The following MAGI2 variants were observed in gnomAD, a reference collection of about 807,000 sequenced individuals.
MAGI2 encodes membrane associated guanylate kinase, WW and PDZ domain containing 2.
A neutral mutation model predicts 133.3 loss-of-function variants in MAGI2; 35 were observed. The observed-to-expected ratio is 0.26, with a 90% confidence interval of 0.20 to 0.35. The LOEUF is 0.35. Ranked by LOEUF, MAGI2 falls within the 10% of genes least tolerant of loss-of-function variation. The pLI is 1.00. For missense variants in MAGI2, 1,636 were observed against 1,863.4 expected, an observed-to-expected ratio of 0.88 and a Z score of 2.25; for synonymous variants, 729 against 710.6, an observed-to-expected ratio of 1.03 and a Z score of -0.41.
intron 10 of MAGI2, among the ~76,000 whole-genome samples, chr7:78,250,507 G>A (rs903001895): frequency 6.6e-6 from 1 of 151,962 alleles, no homozygotes; most frequent in African/African-American, 2.4e-5. Flanking sequence ...AATCAAACAC[G>A]AAGTAAGCTG....
rs1157726144 is a variant in MAGI2 at position 78,625,481 on chromosome 7, G to C, written c.538+1639C>G. Among the ~76,000 whole-genome samples, 6 of 152,070 alleles carry C rather than the reference G, an allele frequency of 3.9e-5. No homozygotes were observed. In the East Asian group the frequency reaches 1.2e-3, roughly 29 times the overall value. Reference sequence around the variant, plus strand: ...CAAAAAGTTAAAAAAAAATGGAAAAGTTTATAAAGTAAAAAGTTACATTAA... The same window carrying C: ...CAAAAAGTTAAAAAAAAATGGAAAACTTTATAAAGTAAAAAGTTACATTAA... On this transcript the variant is annotated intron_variant, in intron 3 of 21. Coordinates refer to ENST00000354212, the MANE Select transcript of MAGI2 (RefSeq NM_012301.4).
At chr7:78,369,249 T>A in intron 6 of MAGI2, 36 bp from the exon 7 acceptor site, 1 of 1,370,232 alleles carries the variant, frequency 7.3e-7, no homozygotes, top group South Asian at 1.2e-5. Flanking sequence ...AAATAAAGAA[T>A]ATCACAATTT....
intron 1 of MAGI2, among the ~76,000 whole-genome samples, chr7:79,016,511 C>T (rs1292139017): frequency 6.6e-6 from 1 of 152,126 alleles, no homozygotes; most frequent in Non-Finnish European, 1.5e-5. Flanking sequence ...ATGCACCTGT[C>T]CACCTATGCC....
chr7:78,297,999 TTGTC>T (rs910193535), intron 9 of MAGI2, among the ~76,000 whole-genome samples: 125 of 126,410 alleles, frequency 9.9e-4, no homozygotes, highest in African/African-American at 3.7e-3. Flanking sequence ...AAAAAAAGAA[TTGTC>T]TGGGAAAAAA....
intron 21 of MAGI2, among the ~76,000 whole-genome samples, chr7:78,044,697 G>GTGTGTGTA (rs766495259): frequency 0.032 from 3,555 of 112,406 alleles, 58 homozygotes; most frequent in Non-Finnish European, 0.04. Flanking sequence ...GTGTGTGTGT[G>GTGTGTGTA]TGTGTGTGCA....
intron 6 of MAGI2, among the ~76,000 whole-genome samples, chr7:78,465,168 C>G (rs1035355307): frequency 2.6e-5 from 4 of 152,134 alleles, no homozygotes; most frequent in African/African-American, 9.7e-5. Flanking sequence ...TTCAGTGAAT[C>G]TGGGCTTCAC....
intron 2 of MAGI2, among the ~76,000 whole-genome samples, chr7:78,849,794 G>T (rs1390607395): frequency 6.6e-6 from 1 of 151,970 alleles, no homozygotes; most frequent in Non-Finnish European, 1.5e-5. Flanking sequence ...TTGGGGAGTG[G>T]TATATAGACA....
intron 12 of MAGI2, 73 bp downstream of exon 12, chr7:78,194,801 C>A: frequency 8.0e-7 from 1 of 1,243,898 alleles, no homozygotes; most frequent in Non-Finnish European, 1.1e-6. Context: ...CCAGATCATT[C>A]AGCCTCAATA....
At chr7:79,078,299 T>G (rs571625761) in intron 1 of MAGI2, among the ~76,000 whole-genome samples, 698 of 11,282 alleles carry the variant, frequency 0.062, 8 homozygotes, top group African/African-American at 0.099. Flanking sequence ...CATAGGTGGT[T>G]TTTTTTTTAG....
At chr7:78,767,527 G>C (rs188446708) in intron 2 of MAGI2, among the ~76,000 whole-genome samples, 66 of 152,194 alleles carry the variant, frequency 4.3e-4, no homozygotes, top group East Asian at 5.8e-4. Flanking sequence ...TATCATATCT[G>C]CTTATTTAAT....
intron 1 of MAGI2, among the ~76,000 whole-genome samples, chr7:79,313,132 C>A (rs1391101417): frequency 1.4e-5 from 2 of 145,854 alleles, no homozygotes; most frequent in Admixed American, 1.3e-4. Context: ...ATATGGCTCA[C>A]AGAATATATT....
chr7:78,125,964 G>A, intron 19 of MAGI2, 127 bp from the exon 20 acceptor site: 2 of 983,958 alleles, frequency 2.0e-6, no homozygotes, highest in South Asian at 1.7e-5. Flanking sequence ...GTTGGGAGAA[G>A]TCGTAATCTG....
chr7:79,243,299 C>T (rs185786521), intron 1 of MAGI2, among the ~76,000 whole-genome samples: 1 of 152,200 alleles, frequency 6.6e-6, no homozygotes, highest in African/African-American at 2.4e-5. Flanking sequence ...ACTTTGGTTC[C>T]TAAAAGGTCA....
At chr7:78,409,780 C>G (rs1797704297) in intron 6 of MAGI2, among the ~76,000 whole-genome samples, 1 of 152,036 alleles carries the variant, frequency 6.6e-6, no homozygotes, top group Admixed American at 6.6e-5. Flanking sequence ...GAAGCTTTTG[C>G]ATATGTTCCC....
At chr7:78,597,048 A>G (rs1042381328) in intron 3 of MAGI2, among the ~76,000 whole-genome samples, 85 of 152,336 alleles carry the variant, frequency 5.6e-4, no homozygotes, top group African/African-American at 1.7e-3. Flanking sequence ...GAGCTGCCAC[A>G]TTAGAGAAAT....
chr7:79,086,266 T>G (rs575154391), intron 1 of MAGI2, among the ~76,000 whole-genome samples: 1 of 152,000 alleles, frequency 6.6e-6, no homozygotes, highest in African/African-American at 2.4e-5. Context: ...TTTAGGAAGC[T>G]TCCTGATAGG....
intron 2 of MAGI2, among the ~76,000 whole-genome samples, chr7:78,633,232 G>A (rs1428219675): frequency 3.9e-5 from 6 of 152,098 alleles, no homozygotes; most frequent in Admixed American, 2.6e-4. Flanking sequence ...CAGATACTGG[G>A]GTCTACTTGA....
At chr7:79,001,754 T>C (rs1584634307) in intron 2 of MAGI2, among the ~76,000 whole-genome samples, 2 of 152,216 alleles carry the variant, frequency 1.3e-5, no homozygotes, top group African/African-American at 4.8e-5. Flanking sequence ...TTAATTTCTT[T>C]CATATATTTT....
At chr7:78,727,944 TA>T (rs1421541545) in intron 2 of MAGI2, among the ~76,000 whole-genome samples, 2 of 152,146 alleles carry the variant, frequency 1.3e-5, no homozygotes, top group Non-Finnish European at 2.9e-5. Context: ...ACACACAATA[TA>T]ATACCAGGTT....
Sources: allele counts gnomAD v4.1 joint callset (sites outside exome capture counted in the v4.1 genomes callset), GRCh38; gene constraint gnomAD v4.1.1; transcripts MANE v1.5; gene names NCBI Gene and HGNC (gene_info 2026-07-23, HGNC 2026-07-21).